The following GALC variants were observed in gnomAD, a reference collection of about 807,000 sequenced individuals.
GALC encodes the protein galactosylceramidase.
In GALC, 77 loss-of-function variants were observed where a neutral mutation model predicts 91.8. The observed-to-expected ratio is 0.84, with a 90% CI of 0.70 to 1.01. The LOEUF (loss-of-function observed/expected upper bound fraction) is 1.01, where lower values mean the gene tolerates loss of function less well. GALC is among the 50% of genes least tolerant of loss of function. GALC has a pLI of 0.00. For missense variants in GALC, 882 were observed against 855.9 expected (o/e 1.03, Z -0.38); for synonymous variants, 357 against 306.7 (o/e 1.16, Z -1.71).
At chr14:87,954,197 T>C (rs1226089065) in intron 10 of GALC, 1 of 1,572,616 alleles carries the variant, frequency 6.4e-7, no homozygotes, top group Non-Finnish European at 8.7e-7. Context: ...ACCTCAGAGA[T>C]CTTCCTCCGA....
At chr14:87,983,671 A>G (rs1208030627) in intron 5 of GALC, among the ~76,000 whole-genome samples, 1 of 152,278 alleles carries the variant, frequency 6.6e-6, no homozygotes, top group Admixed American at 6.5e-5. Context: ...GAGACCCACT[A>G]TGTGTGTGTT....
In GALC at chr14:87,934,376, A is replaced by G; in HGVS notation, c.*356T>C. 4.7e-6 allele frequency: 6 copies of G among 1,265,166 alleles called. No homozygotes were observed. Among genetic ancestry groups the G allele is most frequent in the Non-Finnish European group, 6.0e-6 (6 of 996,892 alleles). 78.4% of individuals were successfully genotyped at this position (1,265,166 alleles called of 1,614,324 possible). On this transcript the variant is annotated 3_prime_UTR_variant, in exon 17 of 17. Transcript: ENST00000261304. ...AATACATCTCAGTGATGATCAAGTT[A>G]CTGCCATCTACAGGACCGCTTGCAA...
chr14:87,969,701 T>C (rs1272084641), intron 7 of GALC, among the ~76,000 whole-genome samples: 3 of 152,202 alleles, frequency 2.0e-5, no homozygotes, highest in African/African-American at 7.2e-5. Context: ...AAAAGAATGA[T>C]TGTGAATACT....
At chr14:87,992,570 G>A (rs773049099) in intron 1 of GALC, 20 of 1,493,018 alleles carry the variant, frequency 1.3e-5, no homozygotes, top group Admixed American at 2.2e-5. Flanking sequence ...TTTCGCACAC[G>A]GACGCTCCCG....
At chr14:87,975,246 G>A (rs1214175256) in intron 7 of GALC, among the ~76,000 whole-genome samples, 1 of 152,000 alleles carries the variant, frequency 6.6e-6, no homozygotes, top group Non-Finnish European at 1.5e-5. Flanking sequence ...CACAAAGTTT[G>A]TAAGACAAAC....
intron 7 of GALC, among the ~76,000 whole-genome samples, chr14:87,974,154 G>A: frequency 6.6e-6 from 1 of 151,972 alleles, no homozygotes; most frequent in Non-Finnish European, 1.5e-5. Flanking sequence ...AAAATATAAA[G>A]ATTTTCAGAG....
At chr14:87,955,100 G>T (rs1885468747) in intron 10 of GALC, 1 of 1,353,834 alleles carries the variant, frequency 7.4e-7, no homozygotes, top group Admixed American at 1.7e-5. Flanking sequence ...AAGATTCAGA[G>T]CCTTTTTGTG....
rs772928724 is a variant in GALC at position 87,993,063 on chromosome 14, A to C, written c.102T>G (p.Cys34Trp). ...AGRAAVPLLLCALLAPGGAYV... is the reference protein window; with the variant it reads ...AGRAAVPLLLWALLAPGGAYV... ...ACGCGCCGCCGGGCGCCAGCAGCGC[A>C]CACAGCAGCAAGGGCACCGCGGCGC... Residue 34 changes from cysteine (C) to tryptophan (W), a missense_variant, in exon 1 of 17, where the codon TGT becomes TGG. Physicochemically the swap from Cys to Trp is radical, Grantham distance 215. Transcript: ENST00000261304. 6.7e-5 allele frequency: 105 copies of C among 1,575,642 alleles called. No homozygotes were observed. Among genetic ancestry groups the C allele is most frequent in the Non-Finnish European group, 8.5e-5 (99 of 1,161,660 alleles).
At chr14:87,980,452 C>T in intron 6 of GALC, 5 of 961,132 alleles carry the variant, frequency 5.2e-6, no homozygotes, top group Non-Finnish European at 6.2e-6. Flanking sequence ...CCCACTCTTC[C>T]TCCATTGTCT....
At position 87,934,782 on chromosome 14, in the gene GALC, A is replaced by C; in HGVS notation, c.2008T>G (p.Ser670Ala). ...KNGWAAIGTH[S>A]FEFAQFDNFL... ...TTGTCAAACTGTGCAAATTCAAAGG[A>C]GTGAGTTCCAATTGCAGCCCAGCCA... The change falls in exon 17 of 17, where the codon TCC (serine) becomes GCC (alanine). Residue 670 changes from serine (S) to alanine (A), a missense_variant. By Grantham distance (99) the Ser-to-Ala change is moderately conservative. Transcript: ENST00000261304. 1 of 1,613,122 alleles carries C rather than the reference A, an allele frequency of 6.2e-7. No homozygotes were observed. The highest frequency in any genetic ancestry group is 2.2e-5 in the East Asian group (1 of 44,836).
chr14:87,934,960 T>G, intron 16 of GALC, 82 bp from the exon 17 acceptor site: 1 of 980,000 alleles, frequency 1.0e-6, no homozygotes, highest in African/African-American at 1.6e-5. Context: ...TATGGCCCAC[T>G]ACTTAGTGGA....
chr14:87,990,533 A>G (rs56281423), intron 1 of GALC, among the ~76,000 whole-genome samples: 17,205 of 152,276 alleles, frequency 0.11, 1,142 homozygotes, highest in Non-Finnish European at 0.16. Context: ...AACCTAGCAG[A>G]GGCTCCAATA....
intron 13 of GALC, 30 bp downstream of exon 13, chr14:87,947,698 C>G: frequency 6.2e-7 from 1 of 1,600,720 alleles, no homozygotes; most frequent in Admixed American, 1.7e-5. Context: ...AATATAGAGA[C>G]CAAGTTAAGT....
intron 4 of GALC, among the ~76,000 whole-genome samples, chr14:87,985,516 C>A (rs748857420): frequency 6.6e-6 from 1 of 152,160 alleles, no homozygotes; most frequent in Non-Finnish European, 1.5e-5. Flanking sequence ...TGGATATGTG[C>A]TGAATTCAGT....
At chr14:87,957,730 G>A (rs1885616160) in intron 10 of GALC, among the ~76,000 whole-genome samples, 1 of 152,112 alleles carries the variant, frequency 6.6e-6, no homozygotes, top group Non-Finnish European at 1.5e-5. Context: ...TGACAAAACT[G>A]AGAATCAAAC....
At chr14:87,950,811 G>T in intron 10 of GALC, 63 bp from the exon 11 acceptor site, 2 of 984,552 alleles carry the variant, frequency 2.0e-6, no homozygotes, top group South Asian at 1.4e-5. Context: ...GGGAAAAAAA[G>T]TTCAACAGTT....
At chr14:87,941,263 C>A in intron 15 of GALC, 132 bp downstream of exon 15, 1 of 677,700 alleles carries the variant, frequency 1.5e-6, no homozygotes, top group Non-Finnish European at 2.6e-6. Flanking sequence ...TATTTGCTTA[C>A]ATCCCTTCCC....
At chr14:87,989,377 T>C (rs1279030062) in intron 1 of GALC, among the ~76,000 whole-genome samples, 1 of 152,136 alleles carries the variant, frequency 6.6e-6, no homozygotes, top group Non-Finnish European at 1.5e-5. Context: ...TAAGTGCCCA[T>C]ATCTACTCTG....
intron 7 of GALC, among the ~76,000 whole-genome samples, chr14:87,972,415 T>G (rs60617687): frequency 0.13 from 19,120 of 152,128 alleles, 1,384 homozygotes; most frequent in South Asian, 0.26. Flanking sequence ...AGGAAAAATC[T>G]TTCCAAGAGG....
Sources: gnomAD v4.1 joint callset for allele counts (sites outside exome capture counted in the v4.1 genomes callset) on GRCh38, gnomAD v4.1.1 for gene constraint, MANE v1.5 for transcripts, NCBI Gene and HGNC (gene_info 2026-07-23, HGNC 2026-07-21) for gene names.